Variants in TMEM63B observed in about 807,000 individuals in gnomAD.
The protein encoded by TMEM63B is mechanosensitive cation channel TMEM63B.
TMEM63B carries 23 observed loss-of-function variants against 102.6 expected under a neutral mutation model. The observed-to-expected ratio is 0.22, with a 90% confidence interval of 0.16 to 0.32. TMEM63B has a LOEUF of 0.32. Among genes scored for constraint, TMEM63B ranks in the 10% least tolerant of loss-of-function variants. The pLI is 1.00. For missense variants in TMEM63B, 628 were observed against 1,095.9 expected, an observed-to-expected ratio of 0.57 and a Z score of 6.03; for synonymous variants, 444 against 437.0, an observed-to-expected ratio of 1.02 and a Z score of -0.20.
chr6:44,154,057 T>C lies in TMEM63B; in HGVS notation c.2111-16T>C. 6.2e-7 allele frequency: 1 copy of C among 1,612,056 alleles called. No homozygotes were observed. Among genetic ancestry groups the C allele is most frequent in the East Asian group, 2.2e-5 (1 of 44,874 alleles). ...CACAGGAGATAGCAACCCCATTCTT[T>C]GCCCCCCAACACCAGGGTTCCTAGC... On this transcript the variant is annotated splice_polypyrimidine_tract_variant and intron_variant, in intron 21 of 23. Coordinates refer to ENST00000323267, the MANE Select transcript of TMEM63B (RefSeq NM_018426.3).
At chr6:44,139,677 C>T in intron 7 of TMEM63B, 31 bp from the exon 8 acceptor site, 2 of 1,614,112 alleles carry the variant, frequency 1.2e-6, no homozygotes, top group Non-Finnish European at 1.7e-6. Flanking sequence ...CCTGACCCCA[C>T]CATCATCCTC....
At chr6:44,142,066 G>A (rs1458797944) in intron 10 of TMEM63B, among the ~76,000 whole-genome samples, 2 of 151,802 alleles carry the variant, frequency 1.3e-5, no homozygotes, top group African/African-American at 4.8e-5. Flanking sequence ...AGGCTGCAGT[G>A]AGTCCTGTGC....
chr6:44,149,056 C>T lies in TMEM63B; in HGVS notation c.1413+111C>T, dbSNP rs562791585. The T allele has an allele frequency of 5.0e-5, 78 of 1,544,908 alleles. No homozygotes were observed. In the South Asian group the frequency reaches 5.9e-4, roughly 12 times the overall value. On this transcript the variant is annotated intron_variant, in intron 15 of 23. Transcript: ENST00000323267. ...CAGCCCGTTCTGCTTGTTCCAACCC[C>T]GTGCCACCAACCAGCTCCCAAAAAC... is the stretch of plus-strand genomic sequence containing the variant.
chr6:44,138,350 G>C, intron 5 of TMEM63B, 130 bp from the exon 6 acceptor site: 1 of 1,168,334 alleles, frequency 8.6e-7, no homozygotes, highest in Non-Finnish European at 1.3e-6. Context: ...AGGGTATAAG[G>C]ATTTTTTTTT....
At position 44,152,091 on chromosome 6, in the gene TMEM63B, A is replaced by C; in HGVS notation, c.1836+83A>C. Reference sequence around the variant, plus strand: ...AACAGCAGCCATCGCGCTAGGGTTGAGGGGCACAGGAGGGCTGAGACTTGG... The same window carrying C: ...AACAGCAGCCATCGCGCTAGGGTTGCGGGGCACAGGAGGGCTGAGACTTGG... On this transcript the variant is annotated intron_variant, in intron 19 of 23. Transcript: ENST00000323267. This position sits in a 1 kb window ranked among gnomAD's most constrained non-coding sequence, Gnocchi z 6.4. 1.4e-6 allele frequency: 2 copies of C among 1,469,740 alleles called. No individual in the cohort carries two copies. The highest frequency in any genetic ancestry group is 1.8e-6 in the Non-Finnish European group (2 of 1,106,398). 91.0% of individuals were successfully genotyped at this position (1,469,740 alleles called of 1,614,324 possible). A position where few individuals can be genotyped will look rare whatever the true frequency, so the allele number is the denominator to read the frequency against.
intron 1 of TMEM63B, among the ~76,000 whole-genome samples, chr6:44,131,891 G>T (rs1002452380): frequency 2.0e-5 from 3 of 152,218 alleles, no homozygotes; most frequent in African/African-American, 7.2e-5. Flanking sequence ...GAGAAACTGG[G>T]ATATAGCTGG....
chr6:44,152,003 A>G lies in TMEM63B; in HGVS notation c.1831A>G (p.Lys611Glu). Reference protein sequence around the residue: ...ARSAAERRNVKRHQAYEFQFG... With the variant: ...ARSAAERRNVERHQAYEFQFG... ...CTCGGCCGCCGAGAGGCGCAACGTG[A>G]AGCGGGTACGGCCGCCTGGGGCAGC... is the stretch of plus-strand genomic sequence containing the variant. Residue 611 changes from lysine to glutamate, a missense_variant, in exon 19 of 24, where the codon AAG becomes GAG. Around this residue, in one of 6 missense-constraint regions of TMEM63B, gnomAD observed 90 missense variants for 136.7 expected, o/e 0.66. Transcript: ENST00000323267. The surrounding 1 kb of genome is among the most constrained non-coding windows in gnomAD (Gnocchi z 6.4). 2.5e-6 allele frequency: 4 copies of G among 1,607,774 alleles called. No individual in the cohort carries two copies. The highest frequency in any genetic ancestry group is 3.4e-6 in the Non-Finnish European group (4 of 1,177,342).
At chr6:44,134,908 C>T in intron 2 of TMEM63B, 109 bp from the exon 3 acceptor site, 1 of 1,497,994 alleles carries the variant, frequency 6.7e-7, no homozygotes, top group Non-Finnish European at 9.2e-7. Flanking sequence ...TCACCCAAGC[C>T]AGGGTCATCC....
At chr6:44,135,707 G>A (rs929193126) in intron 4 of TMEM63B, among the ~76,000 whole-genome samples, 1 of 152,228 alleles carries the variant, frequency 6.6e-6, no homozygotes, top group Non-Finnish European at 1.5e-5. Context: ...GGTGTCACCA[G>A]CAGCTTCTTG....
Position 44,152,968 on chromosome 6 carries a change from C to T in TMEM63B, c.1942+270C>T, listed in dbSNP as rs1013151949. 6.6e-6 allele frequency among the ~76,000 whole-genome samples: 1 copy of T among 152,226 alleles called. No homozygotes were observed. The highest frequency in any genetic ancestry group is 2.4e-5 in the African/African-American group (1 of 41,468). Reference sequence around the variant, plus strand: ...CATACTTACCCACACCTGTGCCTTCCCTCAGCGGGATGTGCTTGGACACAG... The same window carrying T: ...CATACTTACCCACACCTGTGCCTTCTCTCAGCGGGATGTGCTTGGACACAG... On this transcript the variant is annotated intron_variant, in intron 20 of 23. Coordinates refer to ENST00000323267, the MANE Select transcript of TMEM63B (RefSeq NM_018426.3). The surrounding 1 kb of genome is among the most constrained non-coding windows in gnomAD (Gnocchi z 6.4).
chr6:44,127,366 C>G (rs949220458), upstream of TMEM63B: 2 of 152,576 alleles, frequency 1.3e-5, no homozygotes, highest in African/African-American at 4.8e-5. Flanking sequence ...CCGGGAAAAT[C>G]CCGCCGCGGG....
Position 44,146,701 on chromosome 6 carries a change from TCGGC to T in TMEM63B, c.783-144_783-141del, listed in dbSNP as rs1365236766. 6.5e-6 allele frequency: 5 copies of T among 774,202 alleles called. No homozygotes were observed. In the Admixed American group the frequency reaches 9.7e-5, roughly 15 times the overall value. 48.0% of individuals were successfully genotyped at this position (774,202 alleles called of 1,614,324 possible). On this transcript the variant is annotated intron_variant, in intron 10 of 23. Transcript: ENST00000323267. Reference sequence around the variant, plus strand: ...CCTGACCTCAGGTGATCCTCCCGCTTCGGCCCCCCAAAGTGCTGGGATTACAGAT... The same window carrying T: ...CCTGACCTCAGGTGATCCTCCCGCTTCCCCCAAAGTGCTGGGATTACAGAT...
At chr6:44,138,743 C>G (rs991173838) in intron 6 of TMEM63B, 2 of 401,116 alleles carry the variant, frequency 5.0e-6, no homozygotes, top group Admixed American at 3.7e-5. Context: ...CCGGCCCCCC[C>G]GCTTCTCTCC....
At position 44,153,846 on chromosome 6, in the gene TMEM63B, G is replaced by A; in HGVS notation, c.2110+3G>A. ...CTTCTTTTCCACCATGCGCACGGGT[G>A]AGGGATCCCTACCCAGGGAACGGGG... On this transcript the variant is annotated splice_donor_region_variant and intron_variant, in intron 21 of 23. Transcript: ENST00000323267. 6.2e-7 allele frequency: 1 copy of A among 1,612,572 alleles called. No individual in the cohort carries two copies. The highest frequency in any genetic ancestry group is 1.1e-5 in the South Asian group (1 of 90,956).
At position 44,150,815 on chromosome 6, in the gene TMEM63B, A is replaced by G. The variant is rs1030673638; in HGVS notation, c.1673+186A>G. On this transcript the variant is annotated intron_variant, in intron 18 of 23. Coordinates refer to ENST00000323267, the MANE Select transcript of TMEM63B (RefSeq NM_018426.3). The surrounding 1 kb of genome is among the most constrained non-coding windows in gnomAD (Gnocchi z 4.7). ...TGTCTTGGGTGTGTATACATGGTAG[A>G]AGTCCCTGGGGTCTGTGTTGGTGTT... is the stretch of plus-strand genomic sequence containing the variant. Among the ~76,000 whole-genome samples the G allele has an allele frequency of 6.6e-5, 10 of 152,182 alleles. No individual in the cohort carries two copies. The highest frequency in any genetic ancestry group is 6.2e-4 in the South Asian group (3 of 4,820).
At chr6:44,144,805 C>T (rs999947923) in intron 10 of TMEM63B, among the ~76,000 whole-genome samples, 1 of 151,802 alleles carries the variant, frequency 6.6e-6, no homozygotes, top group Non-Finnish European at 1.5e-5. Flanking sequence ...ACTATGTTGC[C>T]CAGGCTGGTC....
chr6:44,151,954 C>T lies in TMEM63B; in HGVS notation c.1782C>T (p.Tyr594=). The change falls in exon 19 of 24, where the codon TAC becomes TAT. Residue 594 remains tyrosine (Y), a synonymous_variant. Coordinates refer to ENST00000323267, the MANE Select transcript of TMEM63B (RefSeq NM_018426.3). ...DLLRIPGLLM[Y]MIRLCLARSA... ...TGCGCATCCCAGGCCTGCTCATGTA[C>T]ATGATCCGGCTCTGCCTGGCGCGCT... 6.2e-7 allele frequency: 1 copy of T among 1,613,162 alleles called. No homozygotes were observed. The highest frequency in any genetic ancestry group is 8.5e-7 in the Non-Finnish European group (1 of 1,179,462).
rs1766901320 is a variant in TMEM63B, at chr6:44,152,436, T to C, written c.1837-157T>C. On this transcript the variant is annotated intron_variant, in intron 19 of 23. Transcript: ENST00000323267. This position sits in a 1 kb window ranked among gnomAD's most constrained non-coding sequence, Gnocchi z 6.4. ...CTCTCGGCCATAGCCCCTCTCTCCATCTGCTCTGCCCTACCCTACCCTAGA... is the reference window on the plus strand; with the variant it reads ...CTCTCGGCCATAGCCCCTCTCTCCACCTGCTCTGCCCTACCCTACCCTAGA... Among the ~76,000 whole-genome samples, 1 of 151,820 alleles carries C rather than the reference T, an allele frequency of 6.6e-6. No homozygotes were observed. Among genetic ancestry groups the C allele is most frequent in the African/African-American group, 2.4e-5 (1 of 41,302 alleles).
At chr6:44,127,240 C>T (rs913462672), upstream of TMEM63B, 1 of 149,022 alleles carries the variant, frequency 6.7e-6, no homozygotes, top group East Asian at 2.0e-4. Context: ...CCCACTCTGG[C>T]CTCTCCTCAC....
Sources: gnomAD v4.1 joint callset for allele counts (sites outside exome capture counted in the v4.1 genomes callset) on GRCh38, gnomAD v4.1.1 for gene constraint, gnomAD v4.1.1 regional missense constraint, Gnocchi (gnomAD v3.1) non-coding constraint, MANE v1.5 for transcripts, NCBI Gene and HGNC (gene_info 2026-07-23, HGNC 2026-07-21) for gene names.